RBMS3: variants seen among roughly 807,000 people sequenced by gnomAD.
RBMS3 encodes RNA binding motif single stranded interacting protein 3.
A neutral mutation model predicts 66.8 loss-of-function variants in RBMS3; 27 were observed. The observed-to-expected ratio is 0.40, with a 90% CI of 0.30 to 0.56. The LOEUF is 0.56. Among genes scored for constraint, RBMS3 ranks in the 20% least tolerant of loss-of-function variants. The pLI is 0.40. For synonymous variants in RBMS3, 188 were observed against 183.0 expected (o/e 1.03, Z -0.22); for missense variants, 513 against 549.5 (o/e 0.93, Z 0.66).
Position 29,770,151 on chromosome 3 carries a change from A to T in RBMS3, c.637+7162A>T, listed in dbSNP as rs149942087. Among the ~76,000 whole-genome samples the T allele has an allele frequency of 7.2e-3, 1,102 of 152,036 alleles. 13 individuals carry two copies. The highest frequency in any genetic ancestry group is 0.025 in the African/African-American group (1,044 of 41,526). On this transcript the variant is annotated intron_variant, in intron 6 of 14. Transcript: ENST00000383767. ...CTAATTATACTGGAATAATGTCTCTAAACTTTTTGCCACTGGAGCTAGTTA... is the reference window on the plus strand; with the variant it reads ...CTAATTATACTGGAATAATGTCTCTTAACTTTTTGCCACTGGAGCTAGTTA...
intron 6 of RBMS3, among the ~76,000 whole-genome samples, chr3:29,824,834 T>C (rs2058165005): frequency 6.6e-6 from 1 of 152,210 alleles, no homozygotes; most frequent in Non-Finnish European, 1.5e-5. Context: ...ATATAGCTAC[T>C]GATTGCTAGT....
chr3:29,667,460 TGATGAGTTTTTAAACAACTA>T (rs1264366358), intron 4 of RBMS3, among the ~76,000 whole-genome samples: 2 of 152,176 alleles, frequency 1.3e-5, no homozygotes, highest in African/African-American at 4.8e-5. Flanking sequence ...TGGGGCCCAG[TGATGAGTTTTTAAACAACTA>T]TTTCAGATAG....
intron 12 of RBMS3, among the ~76,000 whole-genome samples, chr3:29,946,001 G>A (rs1266504855): frequency 6.6e-6 from 1 of 151,666 alleles, no homozygotes; most frequent in Non-Finnish European, 1.5e-5. Flanking sequence ...AGTAGTCCTA[G>A]GTTCCCAGCA....
At chr3:29,608,174 C>G (rs1475065578) in intron 4 of RBMS3, among the ~76,000 whole-genome samples, 1 of 151,558 alleles carries the variant, frequency 6.6e-6, no homozygotes, top group Non-Finnish European at 1.5e-5. Context: ...TATTATTTCA[C>G]CTATATATAT....
intron 1 of RBMS3, among the ~76,000 whole-genome samples, chr3:29,298,825 C>A (rs1169949910): frequency 1.3e-5 from 2 of 151,856 alleles, no homozygotes; most frequent in Non-Finnish European, 2.9e-5. Flanking sequence ...CCTATAGTTA[C>A]TAATATTTGA....
At chr3:29,868,200 C>T (rs1357083956) in intron 6 of RBMS3, among the ~76,000 whole-genome samples, 1 of 151,510 alleles carries the variant, frequency 6.6e-6, no homozygotes, top group Non-Finnish European at 1.5e-5. Flanking sequence ...CATGTAGGAC[C>T]ACATCAAGCA....
chr3:29,303,152 G>T (rs1057363717), intron 1 of RBMS3, among the ~76,000 whole-genome samples: 12 of 152,098 alleles, frequency 7.9e-5, no homozygotes, highest in Admixed American at 5.2e-4. Context: ...TTTACCTGCT[G>T]TTTATTTGTT....
intron 3 of RBMS3, among the ~76,000 whole-genome samples, chr3:29,561,014 G>A (rs987675621): frequency 2.6e-5 from 4 of 152,180 alleles, no homozygotes; most frequent in African/African-American, 9.7e-5. Flanking sequence ...TCCTGTGCTA[G>A]TTTGCTGAGG....
At chr3:29,634,627 T>C (rs2049408852) in intron 4 of RBMS3, among the ~76,000 whole-genome samples, 1 of 151,840 alleles carries the variant, frequency 6.6e-6, no homozygotes, top group South Asian at 2.1e-4. Context: ...ATACGCTCTT[T>C]ATTGACTTTC....
At chr3:29,647,012 C>A (rs906823462) in intron 4 of RBMS3, among the ~76,000 whole-genome samples, 2 of 152,166 alleles carry the variant, frequency 1.3e-5, no homozygotes, top group African/African-American at 4.8e-5. Context: ...GAGTCTCACT[C>A]TGTTGCCCAG....
At chr3:29,728,792 A>ATT (rs143413160) in intron 4 of RBMS3, among the ~76,000 whole-genome samples, 1 of 151,536 alleles carries the variant, frequency 6.6e-6, no homozygotes, top group Non-Finnish European at 1.5e-5. Flanking sequence ...GTATAGCAGA[A>ATT]TTTTTTTTTA....
At chr3:29,392,820 T>C (rs997573219) in intron 1 of RBMS3, among the ~76,000 whole-genome samples, 4 of 152,070 alleles carry the variant, frequency 2.6e-5, no homozygotes, top group Admixed American at 6.6e-5. Context: ...CACTGCTATG[T>C]TGGGTCAGGT....
At chr3:29,675,023 CA>C (rs2051181094) in intron 4 of RBMS3, among the ~76,000 whole-genome samples, 1 of 152,132 alleles carries the variant, frequency 6.6e-6, no homozygotes, top group Non-Finnish European at 1.5e-5. Flanking sequence ...GCTACAGTAA[CA>C]AAAACAGCAT....
At chr3:29,373,318 C>T (rs1428269226) in intron 1 of RBMS3, among the ~76,000 whole-genome samples, 1 of 152,198 alleles carries the variant, frequency 6.6e-6, no homozygotes, top group Non-Finnish European at 1.5e-5. Flanking sequence ...ACTATTTGGT[C>T]ATGCCAAGGA....
rs898956584 is a variant in RBMS3 at position 29,359,280 on chromosome 3, C to CCT, written c.76-75462_76-75461dup. Among the ~76,000 whole-genome samples, 3 of 152,066 alleles carry CCT rather than the reference C, an allele frequency of 2.0e-5. No individual in the cohort carries two copies. In the East Asian group the frequency reaches 5.8e-4, roughly 29 times the overall value. ...AAGGGCTGTTGAATTTTGTCAAAGG[C>CCT]CTTTTCTGCATCTGCTGAGACAATC... On this transcript the variant is annotated intron_variant, in intron 1 of 14. Transcript: ENST00000383767.
chr3:30,007,647 G>A lies in RBMS3; in HGVS notation c.*3785G>A, dbSNP rs1699839916. 1 of 152,036 alleles carries A rather than the reference G, an allele frequency of 6.6e-6. No homozygotes were observed. Among genetic ancestry groups the A allele is most frequent in the African/African-American group, 2.4e-5 (1 of 41,422 alleles). 9.4% of individuals were successfully genotyped at this position (152,036 alleles called of 1,614,324 possible). On this transcript the variant is annotated 3_prime_UTR_variant, in exon 15 of 15. Transcript: ENST00000383767. ...ACGTAATGAGCCCAAGTGAACTGAA[G>A]GTCATACTGGCAGGTGCTGATGACA...
chr3:29,575,413 T>C (rs2047086125), intron 3 of RBMS3, among the ~76,000 whole-genome samples: 1 of 152,086 alleles, frequency 6.6e-6, no homozygotes, highest in African/African-American at 2.4e-5. Context: ...TTCCTCTTAC[T>C]ACTTTTAGGA....
intron 11 of RBMS3, among the ~76,000 whole-genome samples, chr3:29,938,881 A>G (rs1031548927): frequency 6.6e-5 from 10 of 151,966 alleles, no homozygotes; most frequent in African/African-American, 2.2e-4. Flanking sequence ...AAAGTGGGAA[A>G]AATAATGCTT....
At chr3:29,764,325 A>C (rs1009130111) in intron 6 of RBMS3, among the ~76,000 whole-genome samples, 2 of 152,042 alleles carry the variant, frequency 1.3e-5, no homozygotes, top group Admixed American at 1.3e-4. Context: ...TTGTTAAGAA[A>C]AGAGTTAGCA....
Sources: gnomAD v4.1 joint callset for allele counts (sites outside exome capture counted in the v4.1 genomes callset) on GRCh38, gnomAD v4.1.1 for gene constraint, MANE v1.5 for transcripts, NCBI Gene and HGNC (gene_info 2026-07-23, HGNC 2026-07-21) for gene names.